Variants in RPN2 observed in about 807,000 individuals in gnomAD.
The protein encoded by RPN2 is dolichyl-diphosphooligosaccharide--protein glycosyltransferase subunit 2.
RPN2 carries 29 observed loss-of-function variants against 71.4 expected under a neutral mutation model. The observed-to-expected ratio is 0.41, with a 90% CI of 0.30 to 0.55. The LOEUF (loss-of-function observed/expected upper bound fraction) is 0.55, where lower values mean the gene tolerates loss of function less well. Ranked by LOEUF, RPN2 falls within the 20% of genes least tolerant of loss-of-function variation. RPN2 has a pLI of 0.35. For synonymous variants in RPN2, 308 were observed against 305.0 expected (o/e 1.01, Z -0.10); for missense variants, 726 against 774.1 (o/e 0.94, Z 0.74).
intron 4 of RPN2, among the ~76,000 whole-genome samples, chr20:37,200,898 A>G (rs2067372760): frequency 6.6e-6 from 1 of 152,010 alleles, no homozygotes; most frequent in East Asian, 1.9e-4. Context: ...ATTTCCTTCC[A>G]AGCAGAAGGG....
chr20:37,231,782 G>GA (rs1229146305), intron 13 of RPN2, among the ~76,000 whole-genome samples: 4 of 151,992 alleles, frequency 2.6e-5, no homozygotes, highest in Non-Finnish European at 5.9e-5. Flanking sequence ...GGCTCAGGGA[G>GA]AGAGGGATGA....
rs1404596493 is a variant in RPN2 at position 37,241,465 on chromosome 20, G to A, written c.*150G>A. On this transcript the variant is annotated 3_prime_UTR_variant, in exon 17 of 17. Transcript: ENST00000237530. ...TAGTTATACTTTTGCTTGTTTTTCA[G>A]TTTCCCCAACACACAGCAGATACCT... 2.2e-6 allele frequency: 2 copies of A among 914,672 alleles called. No homozygotes were observed. Among genetic ancestry groups the A allele is most frequent in the Non-Finnish European group, 3.4e-6 (2 of 587,696 alleles). The allele number at this position is 914,672 out of a possible 1,614,324, so 56.7% of individuals were successfully genotyped here. A position where few individuals can be genotyped will look rare whatever the true frequency, so the allele number is the denominator to read the frequency against.
chr20:37,184,151 A>G (rs1271414015), intron 1 of RPN2, 29 bp from the exon 2 acceptor site: 3 of 1,613,148 alleles, frequency 1.9e-6, no homozygotes, highest in Admixed American at 1.7e-5. Context: ...AAGAGTGTAG[A>G]GTGTACTGAA....
At chr20:37,215,528 T>C (rs1230864744) in intron 9 of RPN2, among the ~76,000 whole-genome samples, 1 of 152,154 alleles carries the variant, frequency 6.6e-6, no homozygotes, top group Non-Finnish European at 1.5e-5. Context: ...AAGTTCTTTT[T>C]TTCTTTTCTT....
chr20:37,202,705 T>C (rs2067420277), intron 4 of RPN2, among the ~76,000 whole-genome samples: 1 of 152,140 alleles, frequency 6.6e-6, no homozygotes, highest in South Asian at 2.1e-4. Flanking sequence ...TAAAAATATA[T>C]GAATAAGCCA....
chr20:37,236,098 G>GGTGTGTGTGTGGGT (rs1332791267), intron 15 of RPN2, among the ~76,000 whole-genome samples: 1 of 151,782 alleles, frequency 6.6e-6, no homozygotes, highest in Non-Finnish European at 1.5e-5. Flanking sequence ...CCTGTTTGTG[G>GGTGTGTGTGTGGGT]GTGTGTGTGT....
At chr20:37,231,413 C>T (rs973708548) in intron 13 of RPN2, among the ~76,000 whole-genome samples, 5 of 152,012 alleles carry the variant, frequency 3.3e-5, no homozygotes, top group African/African-American at 9.7e-5. Context: ...GAATGCTTGT[C>T]GAGCCTTCTG....
At position 37,229,980 on chromosome 20, in the gene RPN2, T is replaced by A; in HGVS notation, c.1502T>A (p.Val501Glu). The A allele has an allele frequency of 6.2e-7, 1 of 1,613,754 alleles. No individual in the cohort carries two copies. Among genetic ancestry groups the A allele is most frequent in the Admixed American group, 1.7e-5 (1 of 60,028 alleles). The change falls in exon 13 of 17, where the codon GTG becomes GAG. Residue 501 changes from valine to glutamate, a missense_variant. Transcript: ENST00000237530. ...KNPILWNVAD[V>E]VIKFPEEEAP... Reference sequence around the variant, plus strand: ...CTGTCCTTATTTTTCTAGGCTGATGTGGTCATCAAGTTCCCTGAGGAAGAA... The same window carrying A: ...CTGTCCTTATTTTTCTAGGCTGATGAGGTCATCAAGTTCCCTGAGGAAGAA...
intron 9 of RPN2, among the ~76,000 whole-genome samples, chr20:37,217,042 C>T (rs373043464): frequency 9.3e-5 from 14 of 151,320 alleles, no homozygotes; most frequent in African/African-American, 2.7e-4. Context: ...GTGATCCTCC[C>T]ACCTCAACCT....
intron 7 of RPN2, 45 bp downstream of exon 7, chr20:37,207,494 T>C (rs991475574): frequency 4.3e-5 from 67 of 1,568,146 alleles, no homozygotes; most frequent in Non-Finnish European, 5.6e-5. Context: ...TTATCATTCC[T>C]AGTGGAAGGC....
chr20:37,224,987 TCTTA>T (rs749854894), intron 10 of RPN2, among the ~76,000 whole-genome samples: 2 of 152,336 alleles, frequency 1.3e-5, no homozygotes, highest in South Asian at 2.1e-4. Context: ...GAAGAGTTGG[TCTTA>T]CTTACGAGTA....
intron 16 of RPN2, among the ~76,000 whole-genome samples, chr20:37,240,861 C>T (rs1385957383): frequency 1.3e-5 from 2 of 152,212 alleles, no homozygotes; most frequent in East Asian, 1.9e-4. Context: ...GTCAGGATGT[C>T]ATGTTCTAAG....
At chr20:37,186,087 A>G (rs951305885) in intron 2 of RPN2, among the ~76,000 whole-genome samples, 2 of 152,158 alleles carry the variant, frequency 1.3e-5, no homozygotes, top group Non-Finnish European at 1.5e-5. Flanking sequence ...TAAACCAGTA[A>G]TGGCATGGTG....
intron 2 of RPN2, among the ~76,000 whole-genome samples, chr20:37,194,033 C>T (rs916302931): frequency 1.3e-5 from 2 of 152,212 alleles, no homozygotes; most frequent in East Asian, 1.9e-4. Flanking sequence ...CAGAAGGCTA[C>T]GGGCGCGCAT....
intron 6 of RPN2, among the ~76,000 whole-genome samples, chr20:37,206,541 G>A (rs1031378366): frequency 4.6e-5 from 7 of 152,192 alleles, no homozygotes; most frequent in Non-Finnish European, 1.0e-4. Context: ...ATTGATAATA[G>A]CAATCTTTTA....
intron 16 of RPN2, chr20:37,238,523 ATC>A: frequency 1.9e-6 from 2 of 1,063,428 alleles, no homozygotes; most frequent in Non-Finnish European, 2.9e-6. Flanking sequence ...CATGTCAGTT[ATC>A]TCTCTAGTTT....
At chr20:37,236,507 T>C in intron 15 of RPN2, 73 bp from the exon 16 acceptor site, 2 of 1,510,136 alleles carry the variant, frequency 1.3e-6, no homozygotes, top group Non-Finnish European at 1.8e-6. Context: ...ACAGTTGCTA[T>C]GTCTAACTTT....
intron 2 of RPN2, among the ~76,000 whole-genome samples, chr20:37,185,144 CTTT>C (rs540014605): frequency 1.2e-4 from 17 of 136,542 alleles, no homozygotes; most frequent in Non-Finnish European, 1.1e-4. Flanking sequence ...TCGGGACAGT[CTTT>C]TTTTTTTTTT....
chr20:37,183,923 A>G (rs2066939885), intron 1 of RPN2, among the ~76,000 whole-genome samples: 1 of 152,198 alleles, frequency 6.6e-6, no homozygotes, highest in Admixed American at 6.5e-5. Context: ...CAGAGGACTT[A>G]CAGACATCTT....
Sources: allele counts gnomAD v4.1 joint callset (sites outside exome capture counted in the v4.1 genomes callset), GRCh38; gene constraint gnomAD v4.1.1; transcripts MANE v1.5; gene names NCBI Gene and HGNC (gene_info 2026-07-23, HGNC 2026-07-21).